Variants in FOXK1 observed in about 807,000 individuals in gnomAD.
FOXK1 encodes forkhead box K1, also known as forkhead box protein K1.
FOXK1 carries 19 observed loss-of-function variants against 51.9 expected under a neutral mutation model. That is an observed-to-expected ratio of 0.37 (90% CI 0.26 to 0.54). FOXK1 has a LOEUF of 0.54. FOXK1 is among the 20% of genes least tolerant of loss of function. The probability of loss-of-function intolerance (pLI) is 0.87; values close to 1 mark genes in which losing one functional copy is unlikely to be tolerated. For missense variants in FOXK1, 870 were observed against 1,032.7 expected (o/e 0.84, Z 2.16); for synonymous variants, 537 against 482.6 (o/e 1.11, Z -1.48).
Position 4,704,407 on chromosome 7 carries a change from C to T in FOXK1, c.560+21539C>T, listed in dbSNP as rs1000341033. Among the ~76,000 whole-genome samples, 29 of 147,632 alleles carry T rather than the reference C, an allele frequency of 2.0e-4. 1 individual carries two copies. The highest frequency in any genetic ancestry group is 3.6e-4 in the Non-Finnish European group (24 of 67,394). On this transcript the variant is annotated intron_variant, in intron 1 of 8. Coordinates refer to ENST00000328914, the MANE Select transcript of FOXK1 (RefSeq NM_001037165.2). ...TGAAGATTGTAGTGAGCTGAGATCACGCCACTGCACTCCAGCCTGGGCAAC... is the reference window on the plus strand; with the variant it reads ...TGAAGATTGTAGTGAGCTGAGATCATGCCACTGCACTCCAGCCTGGGCAAC...
rs1005296029 is a variant in FOXK1 at position 4,720,571 on chromosome 7, G to A, written c.561-20267G>A. Among the ~76,000 whole-genome samples, 3 of 152,160 alleles carry A rather than the reference G, an allele frequency of 2.0e-5. No individual in the cohort carries two copies. In the East Asian group the frequency reaches 5.8e-4, roughly 29 times the overall value. ...CCTCAGTGGGGATGGGCAGCCTGTGGCCAACTTCGATGCTGGCAGAGCCAG... is the reference window on the plus strand; with the variant it reads ...CCTCAGTGGGGATGGGCAGCCTGTGACCAACTTCGATGCTGGCAGAGCCAG... On this transcript the variant is annotated intron_variant, in intron 1 of 8. Coordinates refer to ENST00000328914, the MANE Select transcript of FOXK1 (RefSeq NM_001037165.2).
chr7:4,692,809 C>G (rs144598166), intron 1 of FOXK1, among the ~76,000 whole-genome samples: 3,308 of 151,094 alleles, frequency 0.022, 155 homozygotes, highest in African/African-American at 0.077. Context: ...TCACTGCAGC[C>G]TTGACCTCCT....
Position 4,735,287 on chromosome 7 carries a change from C to T in FOXK1, c.561-5551C>T, listed in dbSNP as rs142085197. On this transcript the variant is annotated intron_variant, in intron 1 of 8. Transcript: ENST00000328914. This position sits in a 1 kb window ranked among gnomAD's most constrained non-coding sequence, Gnocchi z 4.7. ...AGCTTCTGGGTGGACCTGGGAAAAACCCAGGGCTGGAGTAGACCCTCAGTG... is the reference window on the plus strand; with the variant it reads ...AGCTTCTGGGTGGACCTGGGAAAAATCCAGGGCTGGAGTAGACCCTCAGTG... Among the ~76,000 whole-genome samples, 116 of 152,280 alleles carry T rather than the reference C, an allele frequency of 7.6e-4. 1 individual carries two copies. The highest frequency in any genetic ancestry group is 1.5e-3 in the Non-Finnish European group (99 of 68,028).
At chr7:4,739,550 A>G (rs1780603811) in intron 1 of FOXK1, among the ~76,000 whole-genome samples, 3 of 152,222 alleles carry the variant, frequency 2.0e-5, no homozygotes, top group Non-Finnish European at 2.9e-5. Flanking sequence ...TTCAAGCCAG[A>G]TGAACCCTGG....
At chr7:4,690,132 G>C (rs762099011) in intron 1 of FOXK1, among the ~76,000 whole-genome samples, 5 of 152,222 alleles carry the variant, frequency 3.3e-5, no homozygotes, top group Non-Finnish European at 5.9e-5. Context: ...CATCAGGTCC[G>C]ACTCCTGAGA....
At position 4,755,831 on chromosome 7, in the gene FOXK1, A is replaced by G. The variant is rs533580696; in HGVS notation, c.1050+448A>G. ...ACATCTGAAAGGCATTAGCGCTGTG[A>G]TACCATTGTGTCTAAATACTCTTTT... is the stretch of plus-strand genomic sequence containing the variant. On this transcript the variant is annotated intron_variant, in intron 4 of 8. Transcript: ENST00000328914. The surrounding 1 kb of genome is among the most constrained non-coding windows in gnomAD (Gnocchi z 6.6). Among the ~76,000 whole-genome samples, 3 of 152,308 alleles carry G rather than the reference A, an allele frequency of 2.0e-5. No homozygotes were observed. The highest frequency in any genetic ancestry group is 2.4e-5 in the African/African-American group (1 of 41,564).
rs1780802315 is a variant in FOXK1, at chr7:4,753,279, C to T, written c.747-1180C>T. Reference sequence around the variant, plus strand: ...ATGTTTCTTGAGCCCCGCCTGCACCCAAGGGGGCTCCTACTTAACCTAAGT... The same window carrying T: ...ATGTTTCTTGAGCCCCGCCTGCACCTAAGGGGGCTCCTACTTAACCTAAGT... On this transcript the variant is annotated intron_variant, in intron 2 of 8. Transcript: ENST00000328914. This position sits in a 1 kb window ranked among gnomAD's most constrained non-coding sequence, Gnocchi z 4.9. Among the ~76,000 whole-genome samples, 1 of 152,202 alleles carries T rather than the reference C, an allele frequency of 6.6e-6. No homozygotes were observed. The highest frequency in any genetic ancestry group is 2.1e-4 in the South Asian group (1 of 4,830).
intron 1 of FOXK1, among the ~76,000 whole-genome samples, chr7:4,716,281 C>T (rs1282529343): frequency 6.6e-6 from 1 of 151,758 alleles, no homozygotes; most frequent in Non-Finnish European, 1.5e-5. Flanking sequence ...TGGAGGTTCA[C>T]TTGAAGCCAG....
At position 4,715,098 on chromosome 7, in the gene FOXK1, T is replaced by A. The variant is rs142902692; in HGVS notation, c.561-25740T>A. The stretch of plus-strand genomic sequence containing the variant: ...TTTCACGGCTTTAGTACAGAAAATA[T>A]TCAAAGCCAGTGCAGCTGGAATTGT... On this transcript the variant is annotated intron_variant, in intron 1 of 8. Transcript: ENST00000328914. This position sits in a 1 kb window ranked among gnomAD's most constrained non-coding sequence, Gnocchi z 4.5. 3.1e-4 allele frequency among the ~76,000 whole-genome samples: 47 copies of A among 152,078 alleles called. No homozygotes were observed. In the East Asian group the frequency reaches 9.1e-3, roughly 29 times the overall value.
intron 1 of FOXK1, among the ~76,000 whole-genome samples, chr7:4,689,323 G>A (rs1779863681): frequency 6.6e-6 from 1 of 152,188 alleles, no homozygotes; most frequent in Non-Finnish European, 1.5e-5. Flanking sequence ...CATCGGATAC[G>A]TGGCTGGGTT....
chr7:4,735,748 C>A lies in FOXK1; in HGVS notation c.561-5090C>A, dbSNP rs931572364. On this transcript the variant is annotated intron_variant, in intron 1 of 8. Transcript: ENST00000328914. The surrounding 1 kb of genome is among the most constrained non-coding windows in gnomAD (Gnocchi z 4.7). ...GGTTTAAACCACCGTGCAGCACCTT[C>A]ACGATGCAAAACGTGCTCGTTCAGA... Among the ~76,000 whole-genome samples, 1 of 152,202 alleles carries A rather than the reference C, an allele frequency of 6.6e-6. No homozygotes were observed. Among genetic ancestry groups the A allele is most frequent in the African/African-American group, 2.4e-5 (1 of 41,456 alleles).
At chr7:4,736,414 GT>G (rs1251974538) in intron 1 of FOXK1, among the ~76,000 whole-genome samples, 476 of 131,194 alleles carry the variant, frequency 3.6e-3, no homozygotes, top group South Asian at 7.7e-3. Context: ...AATCAGTTTT[GT>G]TTTTTTTTTT....
intron 1 of FOXK1, among the ~76,000 whole-genome samples, chr7:4,696,325 A>T (rs1236970922): frequency 6.6e-6 from 1 of 152,066 alleles, no homozygotes; most frequent in East Asian, 1.9e-4. Context: ...TCTAGCTTGG[A>T]TTTACTGTGT....
intron 1 of FOXK1, among the ~76,000 whole-genome samples, chr7:4,706,562 C>T (rs745564109): frequency 3.9e-5 from 6 of 152,150 alleles, no homozygotes; most frequent in Non-Finnish European, 7.3e-5. Flanking sequence ...GAAGGAACCT[C>T]TCCACCCTTC....
rs78970574 is a variant in FOXK1 at position 4,703,318 on chromosome 7, A to G, written c.560+20450A>G. ...AGGGAGGGGGAGGACCCGAGGGGGCAGAGCATTTAGGACATGGAGTGGGTA... is the reference window on the plus strand; with the variant it reads ...AGGGAGGGGGAGGACCCGAGGGGGCGGAGCATTTAGGACATGGAGTGGGTA... On this transcript the variant is annotated intron_variant, in intron 1 of 8. Transcript: ENST00000328914. This position sits in a 1 kb window ranked among gnomAD's most constrained non-coding sequence, Gnocchi z 5.6. Among the ~76,000 whole-genome samples, 3,016 of 152,260 alleles carry G rather than the reference A, an allele frequency of 0.02. 95 individuals carry two copies. The highest frequency in any genetic ancestry group is 0.066 in the African/African-American group (2,762 of 41,546).
rs980403072 is a variant in FOXK1 at position 4,735,378 on chromosome 7, C to T, written c.561-5460C>T. ...CCTGAGATCGACTGCACATACCTTA[C>T]AACTAACCCTTTCCATTGTTCCAGT... On this transcript the variant is annotated intron_variant, in intron 1 of 8. Coordinates refer to ENST00000328914, the MANE Select transcript of FOXK1 (RefSeq NM_001037165.2). The surrounding 1 kb of genome is among the most constrained non-coding windows in gnomAD (Gnocchi z 4.7). Among the ~76,000 whole-genome samples, 1 of 152,226 alleles carries T rather than the reference C, an allele frequency of 6.6e-6. No individual in the cohort carries two copies. Among genetic ancestry groups the T allele is most frequent in the African/African-American group, 2.4e-5 (1 of 41,456 alleles).
chr7:4,740,469 G>T (rs1382233824), intron 1 of FOXK1, among the ~76,000 whole-genome samples: 1 of 150,882 alleles, frequency 6.6e-6, no homozygotes, highest in Non-Finnish European at 1.5e-5. Context: ...AAATTAGCCG[G>T]GCGTGGTGGT....
intron 2 of FOXK1, among the ~76,000 whole-genome samples, chr7:4,754,026 G>T (rs542639178): frequency 6.6e-6 from 1 of 152,328 alleles, no homozygotes; most frequent in African/African-American, 2.4e-5. Context: ...GTGACCACAC[G>T]GGGTTGTCCT....
intron 2 of FOXK1, 33 bp from the exon 3 acceptor site, chr7:4,754,426 C>T (rs1335287673): frequency 1.9e-6 from 3 of 1,605,100 alleles, no homozygotes; most frequent in South Asian, 2.2e-5. Flanking sequence ...CTCTTCAGAG[C>T]CATGAACTTA....
Sources: gnomAD v4.1 joint callset for allele counts (sites outside exome capture counted in the v4.1 genomes callset) on GRCh38, gnomAD v4.1.1 for gene constraint, Gnocchi (gnomAD v3.1) non-coding constraint, MANE v1.5 for transcripts, NCBI Gene and HGNC (gene_info 2026-07-23, HGNC 2026-07-21) for gene names.